BLK: variants seen among roughly 807,000 people sequenced by gnomAD.
The protein encoded by BLK is tyrosine-protein kinase Blk.
In BLK, 64 loss-of-function variants were observed where a neutral mutation model predicts 61.8. The ratio of observed to expected loss-of-function variants is 1.03; its 90% CI spans 0.85 to 1.27. BLK has a LOEUF of 1.27. Ranked by LOEUF, BLK falls within the 50% of genes most tolerant of loss-of-function variation. The pLI is 0.00. For missense variants in BLK, 853 were observed against 660.5 expected (o/e 1.29, Z -3.19); for synonymous variants, 351 against 272.0 (o/e 1.29, Z -2.86).
Position 11,556,660 on chromosome 8 carries a change from T to C in BLK, c.775T>C (p.Tyr259His), listed in dbSNP as rs753715013. The C allele has an allele frequency of 3.1e-6, 5 of 1,614,078 alleles. No individual in the cohort carries two copies. Among genetic ancestry groups the C allele is most frequent in the Non-Finnish European group, 4.2e-6 (5 of 1,180,014 alleles). Residue 259 changes from tyrosine to histidine, a missense_variant and splice_region_variant, in exon 9 of 13, where the codon TAC becomes CAC. Tyr to His is a moderately conservative substitution (Grantham distance 83). Coordinates refer to ENST00000259089, the MANE Select transcript of BLK (RefSeq NM_001715.3). Reference protein sequence around the residue: ...SGQFGEVWMGYYKNNMKVAIK... With the variant: ...SGQFGEVWMGHYKNNMKVAIK... Reference sequence around the variant, plus strand: ...CTTCTTCACTCCCCCGGGCTCAGGTTACTACAAAAACAACATGAAGGTGGC... The same window carrying C: ...CTTCTTCACTCCCCCGGGCTCAGGTCACTACAAAAACAACATGAAGGTGGC...
In BLK at chr8:11,549,033, C is replaced by G. The variant is rs1800780671; in HGVS notation, c.279C>G (p.Asp93Glu). 1 of 1,609,006 alleles carries G rather than the reference C, an allele frequency of 6.2e-7. No homozygotes were observed. Among genetic ancestry groups the G allele is most frequent in the Non-Finnish European group, 8.5e-7 (1 of 1,177,862 alleles). The change falls in exon 5 of 13, where the codon GAC becomes GAG. Residue 93 changes from aspartate to glutamate, a missense_variant. Coordinates refer to ENST00000259089, the MANE Select transcript of BLK (RefSeq NM_001715.3). ...EKLQVLKGTG[D>E]WWLARSLVTG... ...CCCCTGCTCCCATTAGAACTGGAGA[C>G]TGGTGGCTGGCCAGGTCACTCGTCA...
chr8:11,543,557 G>A (rs542162998), intron 2 of BLK, among the ~76,000 whole-genome samples: 12 of 152,300 alleles, frequency 7.9e-5, no homozygotes, highest in Middle Eastern at 3.4e-3. Context: ...CATTTCTCGA[G>A]GGCAGCCTTG....
At chr8:11,557,892 C>T (rs1801308827) in intron 9 of BLK, 70 bp from the exon 10 acceptor site, 7 of 1,429,680 alleles carry the variant, frequency 4.9e-6, no homozygotes, top group Middle Eastern at 1.8e-4. Flanking sequence ...CCACTCACAC[C>T]AGAGAGAGGC....
At chr8:11,549,971 C>G in intron 5 of BLK, 188 bp from the exon 6 acceptor site, 1 of 654,766 alleles carries the variant, frequency 1.5e-6, no homozygotes, top group Non-Finnish European at 2.8e-6. Context: ...GGAAGCGGAA[C>G]TGGAAGGGCA....
At chr8:11,555,606 G>T in intron 8 of BLK, 122 bp downstream of exon 8, 1 of 1,455,940 alleles carries the variant, frequency 6.9e-7, no homozygotes, top group South Asian at 1.2e-5. Flanking sequence ...AGGGAGCGAG[G>T]ACAGAGGCGA....
chr8:11,496,111 T>G (rs569556683), intron 1 of BLK, among the ~76,000 whole-genome samples: 1 of 152,362 alleles, frequency 6.6e-6, no homozygotes, highest in East Asian at 1.9e-4. Context: ...CCATCCATCA[T>G]TCTCTCTCCC....
chr8:11,509,277 A>G (rs575466509), intron 1 of BLK: 5 of 152,374 alleles, frequency 3.3e-5, no homozygotes, highest in South Asian at 2.1e-4. Context: ...GATGCCAGCA[A>G]GAAGCCAGCC....
At chr8:11,556,096 G>A (rs991004220) in intron 8 of BLK, 1 of 227,548 alleles carries the variant, frequency 4.4e-6, no homozygotes, top group African/African-American at 2.2e-5. Context: ...GCTTTTGGCA[G>A]GAGCTGTACC....
intron 8 of BLK, chr8:11,556,152 T>A (rs981578428): frequency 1.8e-5 from 4 of 226,692 alleles, no homozygotes; most frequent in African/African-American, 9.0e-5. Flanking sequence ...CAAGTAGAGT[T>A]GTCTTTTGCC....
At chr8:11,535,261 G>GAAGAAA (rs1800070610) in intron 1 of BLK, among the ~76,000 whole-genome samples, 2 of 110,454 alleles carry the variant, frequency 1.8e-5, no homozygotes, top group African/African-American at 7.3e-5. Context: ...AAGAAAGAAA[G>GAAGAAA]AAGAAAGAAA....
intron 1 of BLK, among the ~76,000 whole-genome samples, chr8:11,513,327 G>T (rs539198034): frequency 6.6e-6 from 1 of 152,334 alleles, no homozygotes; most frequent in East Asian, 1.9e-4. Flanking sequence ...GAAGACCTTG[G>T]TGATTCGTGG....
At chr8:11,528,679 A>T (rs1799771067) in intron 1 of BLK, among the ~76,000 whole-genome samples, 1 of 152,242 alleles carries the variant, frequency 6.6e-6, no homozygotes, top group Non-Finnish European at 1.5e-5. Flanking sequence ...ATTCAAGTGC[A>T]ACTTGTTGGG....
intron 1 of BLK, among the ~76,000 whole-genome samples, chr8:11,501,000 G>A (rs1306555086): frequency 1.3e-5 from 2 of 152,016 alleles, no homozygotes; most frequent in African/African-American, 2.4e-5. Flanking sequence ...CTTGAGGTCA[G>A]GGGTTCGAGA....
At chr8:11,559,663 A>G (rs1801396208) in intron 10 of BLK, 1 of 442,758 alleles carries the variant, frequency 2.3e-6, no homozygotes, top group Admixed American at 2.4e-5. Context: ...CCAACCCCAC[A>G]GGAACCCTGC....
chr8:11,539,527 T>C (rs1360505857), intron 1 of BLK, among the ~76,000 whole-genome samples: 1 of 152,208 alleles, frequency 6.6e-6, no homozygotes, highest in Non-Finnish European at 1.5e-5. Context: ...TATAATGATG[T>C]TTTATTAACC....
intron 1 of BLK, among the ~76,000 whole-genome samples, chr8:11,533,843 G>T (rs903938959): frequency 6.6e-6 from 1 of 152,256 alleles, no homozygotes; most frequent in African/African-American, 2.4e-5. Flanking sequence ...AGAAATGTTT[G>T]TATGGAGGAC....
chr8:11,517,660 C>T (rs186213039), intron 1 of BLK, among the ~76,000 whole-genome samples: 25 of 152,318 alleles, frequency 1.6e-4, no homozygotes, highest in African/African-American at 5.8e-4. Flanking sequence ...AGGAGACAGC[C>T]ACCCAGACCT....
Position 11,561,442 on chromosome 8 carries a change from G to A in BLK, c.1170G>A (p.Thr390=), listed in dbSNP as rs150788249. ...CTCGAATCATCGACAGTGAATACAC[G>A]GCCCAAGAGGGTAAGCACAGCCCCT... is the stretch of plus-strand genomic sequence containing the variant. ...GLARIIDSEY[T]AQEGAKFPIK... The change falls in exon 11 of 13, where the codon ACG becomes ACA. Residue 390 remains threonine (T), a synonymous_variant. Coordinates refer to ENST00000259089, the MANE Select transcript of BLK (RefSeq NM_001715.3). 6.3e-5 allele frequency: 101 copies of A among 1,613,626 alleles called. No homozygotes were observed. Among genetic ancestry groups the A allele is most frequent in the Non-Finnish European group, 7.2e-5 (85 of 1,179,928 alleles).
chr8:11,517,595 G>A (rs899745981), intron 1 of BLK, among the ~76,000 whole-genome samples: 2 of 152,178 alleles, frequency 1.3e-5, no homozygotes, highest in African/African-American at 4.8e-5. Flanking sequence ...TGCTTTCCCC[G>A]TGATGTTTGA....
Sources: gnomAD v4.1 joint callset for allele counts (sites outside exome capture counted in the v4.1 genomes callset) on GRCh38, gnomAD v4.1.1 for gene constraint, MANE v1.5 for transcripts, NCBI Gene and HGNC (gene_info 2026-07-23, HGNC 2026-07-21) for gene names.